The following DNAH3 variants were observed in gnomAD, a reference collection of about 807,000 sequenced individuals.
DNAH3 encodes dynein axonemal heavy chain 3, also known as axonemal beta dynein heavy chain 3.
In DNAH3, 332 loss-of-function variants were observed where a neutral mutation model predicts 432.5. The observed-to-expected ratio is 0.77, with a 90% CI of 0.70 to 0.84. DNAH3 has a LOEUF of 0.84. Ranked by LOEUF, DNAH3 falls within the 40% of genes least tolerant of loss-of-function variation. The pLI, the probability that DNAH3 is intolerant of heterozygous loss-of-function variation, is 0.00. For synonymous variants in DNAH3, 1,956 were observed against 1,900.2 expected, an observed-to-expected ratio of 1.03 and a Z score of -0.76; for missense variants, 4,861 against 5,114.0, an observed-to-expected ratio of 0.95 and a Z score of 1.51.
chr16:20,971,326 C>G (rs938725007), intron 51 of DNAH3, among the ~76,000 whole-genome samples: 2 of 152,020 alleles, frequency 1.3e-5, no homozygotes, highest in Non-Finnish European at 2.9e-5. Context: ...ATTTGCATTC[C>G]TACTGTGCAT....
Position 20,982,787 on chromosome 16 carries a change from T to C in DNAH3, c.7793A>G (p.Asp2598Gly), listed in dbSNP as rs145642847. The C allele has an allele frequency of 1.2e-5, 19 of 1,614,088 alleles. No homozygotes were observed. Among genetic ancestry groups the C allele is most frequent in the Non-Finnish European group, 1.5e-5 (18 of 1,180,038 alleles). ...TTTGTTAGCCACCAACTCTAGGGCA[T>C]CTGTGGGCCAGGACTGGAACCAATC... is the stretch of plus-strand genomic sequence containing the variant. Residue 2598 changes from aspartate to glycine, a missense_variant, in exon 49 of 62, where the codon GAT becomes GGT. By Grantham distance (94) the Asp-to-Gly change is moderately conservative. Coordinates refer to ENST00000261383, the Ensembl canonical transcript of DNAH3.
intron 3 of DNAH3, among the ~76,000 whole-genome samples, chr16:21,143,129 G>A (rs1031713086): frequency 6.6e-6 from 1 of 152,138 alleles, no homozygotes; most frequent in Non-Finnish European, 1.5e-5. Context: ...GAATTTTGGG[G>A]ACAATGAAAC....
At chr16:21,009,894 AGAG>A (rs1267035347) in intron 41 of DNAH3, among the ~76,000 whole-genome samples, 120 of 107,768 alleles carry the variant, frequency 1.1e-3, no homozygotes, top group African/African-American at 4.4e-3. Flanking sequence ...AGAAAAGAAA[AGAG>A]GAGAGGAGAG....
At chr16:20,956,119 G>C (rs1295788821) in intron 54 of DNAH3, among the ~76,000 whole-genome samples, 2 of 151,830 alleles carry the variant, frequency 1.3e-5, no homozygotes, top group East Asian at 3.9e-4. Context: ...GTAGAGACAG[G>C]GTTTCACCAT....
At chr16:21,074,206 G>C (rs2090895474) in intron 21 of DNAH3, among the ~76,000 whole-genome samples, 1 of 152,170 alleles carries the variant, frequency 6.6e-6, no homozygotes. Flanking sequence ...AATAGGGAAA[G>C]AAGTCACAAG....
exon 1 of DNAH3, chr16:21,159,342 C>T: frequency 3.1e-6 from 5 of 1,614,116 alleles, no homozygotes; most frequent in Non-Finnish European, 4.2e-6. Context: ...TCACTCCCTT[C>T]CTCCTCTCCT....
In DNAH3 at chr16:21,006,309, T is replaced by G. The variant is rs149797398; in HGVS notation, c.6023-3102A>C. On this transcript the variant is annotated intron_variant, in intron 41 of 61. Coordinates refer to ENST00000261383, the Ensembl canonical transcript of DNAH3. ...CTGCAGTTCCTCTATTTCTCTAATT[T>G]AGTAGTTTTATCACTTCATCTACAA... Among the ~76,000 whole-genome samples the G allele has an allele frequency of 5.0e-3, 762 of 152,354 alleles. 6 individuals carry two copies. Among genetic ancestry groups the G allele is most frequent in the African/African-American group, 0.018 (730 of 41,578 alleles).
In DNAH3 at chr16:21,051,150, G is replaced by A. The variant is rs1204876548; in HGVS notation, c.4238+520C>T. Among the ~76,000 whole-genome samples the A allele has an allele frequency of 2.6e-5, 4 of 152,296 alleles. No homozygotes were observed. The East Asian group carries it at 5.8e-4, about 22-fold the overall frequency. On this transcript the variant is annotated intron_variant, in intron 29 of 61. Coordinates refer to ENST00000261383, the Ensembl canonical transcript of DNAH3. Reference sequence around the variant, plus strand: ...ACAATCTAAAAAACTCTCACTGTAAGGAAATATATAAAAGCAAAGAACATC... The same window carrying A: ...ACAATCTAAAAAACTCTCACTGTAAAGAAATATATAAAAGCAAAGAACATC...
intron 21 of DNAH3, among the ~76,000 whole-genome samples, chr16:21,071,168 G>T: frequency 6.6e-6 from 1 of 151,972 alleles, no homozygotes; most frequent in East Asian, 1.9e-4. Context: ...TCAGCCTCCT[G>T]AATAGCTGGG....
intron 31 of DNAH3, 76 bp downstream of exon 31, chr16:21,049,493 A>T (rs1002130263): frequency 3.5e-6 from 4 of 1,157,354 alleles, no homozygotes; most frequent in Non-Finnish European, 5.1e-6. Context: ...AGGCCCTGTT[A>T]TTAAGGGGTG....
chr16:21,129,671 A>G (rs1276197067), intron 7 of DNAH3, among the ~76,000 whole-genome samples: 2 of 151,948 alleles, frequency 1.3e-5, no homozygotes, highest in African/African-American at 4.8e-5. Flanking sequence ...TAGGAGGCAG[A>G]GGTTGCAGTG....
chr16:21,125,428 T>C (rs957428961), intron 8 of DNAH3, 58 bp from the exon 10 acceptor site: 49 of 1,438,020 alleles, frequency 3.4e-5, no homozygotes, highest in African/African-American at 4.3e-5. Flanking sequence ...AGGAACCCAC[T>C]TGCCGTGCCC....
chr16:21,016,477 T>C (rs2087862599), intron 41 of DNAH3, among the ~76,000 whole-genome samples: 1 of 152,204 alleles, frequency 6.6e-6, no homozygotes, highest in African/African-American at 2.4e-5. Context: ...CCCACCACAA[T>C]GGCTATTATC....
intron 38 of DNAH3, 118 bp downstream of exon 38, chr16:21,026,909 A>T: frequency 1.5e-6 from 1 of 667,318 alleles, no homozygotes; most frequent in Non-Finnish European, 2.6e-6. Context: ...GAAAAATAAT[A>T]ATAATGTAGA....
intron 19 of DNAH3, 45 bp downstream of exon 19, chr16:21,086,804 G>C: frequency 6.4e-7 from 1 of 1,561,758 alleles, no homozygotes; most frequent in Non-Finnish European, 8.8e-7. Context: ...GTCAGGGCCA[G>C]GCCTGGGCTG....
intron 46 of DNAH3, 110 bp from the exon 47 acceptor site, chr16:20,987,558 T>C (rs1311878334): frequency 1.9e-6 from 3 of 1,540,550 alleles, no homozygotes; most frequent in Non-Finnish European, 2.7e-6. Context: ...CTAGATAATG[T>C]TTATAAAATG....
intron 18 of DNAH3, among the ~76,000 whole-genome samples, chr16:21,087,336 A>G (rs62034933): frequency 0.022 from 3,318 of 152,352 alleles, 54 homozygotes; most frequent in Non-Finnish European, 0.03. Context: ...AGTGGCTAAC[A>G]TAATGCCTGG....
At chr16:21,018,331 A>G (rs1233513854) in intron 41 of DNAH3, among the ~76,000 whole-genome samples, 1 of 152,230 alleles carries the variant, frequency 6.6e-6, no homozygotes, top group East Asian at 1.9e-4. Flanking sequence ...CTAGGAATAT[A>G]GAAAAAACTG....
In DNAH3 at chr16:20,984,029, G is replaced by GAAAAAAAAAAAAAA. The variant is rs61475224; in HGVS notation, c.7665+1034_7665+1047dup. ...GTGACAGAGCAAGACCCTATATCCA[G>GAAAAAAAAAAAAAA]AAAAAAAAAAAAAAAAGACAGAAAG... On this transcript the variant is annotated intron_variant, in intron 48 of 61. Coordinates refer to ENST00000261383, the Ensembl canonical transcript of DNAH3. 2.9e-3 allele frequency among the ~76,000 whole-genome samples: 330 copies of GAAAAAAAAAAAAAA among 112,058 alleles called. 5 individuals carry two copies. The highest frequency in any genetic ancestry group is 0.01 in the African/African-American group (299 of 28,756). The allele number at this position is 112,058 out of a possible 152,430, so 73.5% of individuals were successfully genotyped here. A position where few individuals can be genotyped will look rare whatever the true frequency, so the allele number is the denominator to read the frequency against.
Sources: gnomAD v4.1 joint callset for allele counts (sites outside exome capture counted in the v4.1 genomes callset) on GRCh38, gnomAD v4.1.1 for gene constraint, MANE v1.5 for transcripts, NCBI Gene and HGNC (gene_info 2026-07-23, HGNC 2026-07-21) for gene names.